Variants in DNM3 observed in about 807,000 individuals in gnomAD.
The protein encoded by DNM3 is dynamin-3.
DNM3 carries 47 observed loss-of-function variants against 101.6 expected under a neutral mutation model. That is an observed-to-expected ratio of 0.46 (90% CI 0.37 to 0.59). The LOEUF (loss-of-function observed/expected upper bound fraction) is 0.59, where lower values mean the gene tolerates loss of function less well. Among genes scored for constraint, DNM3 ranks in the 20% least tolerant of loss-of-function variants. The pLI is 0.00. For missense variants in DNM3, 849 were observed against 1,085.7 expected, an observed-to-expected ratio of 0.78 and a Z score of 3.06; for synonymous variants, 385 against 387.9, an observed-to-expected ratio of 0.99 and a Z score of 0.09.
At chr1:172,075,562 A>G (rs1390480077) in intron 11 of DNM3, among the ~76,000 whole-genome samples, 1 of 152,204 alleles carries the variant, frequency 6.6e-6, no homozygotes, top group Non-Finnish European at 1.5e-5. Flanking sequence ...CCATTTATTA[A>G]ATAGGGAATC....
intron 15 of DNM3, among the ~76,000 whole-genome samples, chr1:172,288,397 C>G (rs1014184951): frequency 1.3e-5 from 2 of 152,124 alleles, no homozygotes; most frequent in African/African-American, 4.8e-5. Flanking sequence ...ATAGCTGGAG[C>G]CTGATGGGCA....
chr1:172,290,472 G>C (rs1362950188), intron 15 of DNM3, among the ~76,000 whole-genome samples: 1 of 152,166 alleles, frequency 6.6e-6, no homozygotes, highest in Non-Finnish European at 1.5e-5. Flanking sequence ...AATGTGGCTG[G>C]AGCAGAATGA....
At chr1:172,107,483 G>A (rs1207273470) in intron 13 of DNM3, among the ~76,000 whole-genome samples, 1 of 152,158 alleles carries the variant, frequency 6.6e-6, no homozygotes, top group Non-Finnish European at 1.5e-5. Context: ...GCACAGGGAT[G>A]TCAATTTCTT....
chr1:172,410,480 G>C lies in DNM3; in HGVS notation c.*2639G>C. The C allele has an allele frequency of 1.0e-6, 1 of 983,862 alleles. No individual in the cohort carries two copies. The highest frequency in any genetic ancestry group is 1.2e-6 in the Non-Finnish European group (1 of 828,580). 60.9% of individuals were successfully genotyped at this position (983,862 alleles called of 1,614,324 possible). A position where few individuals can be genotyped will look rare whatever the true frequency, so the allele number is the denominator to read the frequency against. ...GGATTTGGGAAAATAAACTGTAAAT[G>C]TTTATTTGATAGGTAAATATAGTTT... On this transcript the variant is annotated 3_prime_UTR_variant, in exon 21 of 21. Coordinates refer to ENST00000627582, the MANE Select transcript of DNM3 (RefSeq NM_015569.5).
intron 6 of DNM3, among the ~76,000 whole-genome samples, chr1:172,033,478 T>C (rs995036634): frequency 6.6e-6 from 1 of 152,142 alleles, no homozygotes; most frequent in African/African-American, 2.4e-5. Flanking sequence ...GCAAGAACAA[T>C]TATCAAAGCA....
chr1:172,336,302 G>T (rs1470768011), intron 17 of DNM3, among the ~76,000 whole-genome samples: 1 of 152,122 alleles, frequency 6.6e-6, no homozygotes, highest in African/African-American at 2.4e-5. Context: ...TAAACCCAGG[G>T]TTAAGTCTAG....
chr1:172,276,927 C>A lies in DNM3; in HGVS notation c.1769+23245C>A, dbSNP rs192005393. Among the ~76,000 whole-genome samples, 36 of 151,884 alleles carry A rather than the reference C, an allele frequency of 2.4e-4. 1 individual carries two copies. The East Asian group carries it at 6.4e-3, about 27-fold the overall frequency. On this transcript the variant is annotated intron_variant, in intron 15 of 20. Transcript: ENST00000627582. Reference sequence around the variant, plus strand: ...AGTACATATTTAAGCTTTCAAATAGCCATTGACAAAAATCTGAATCATGGT... The same window carrying A: ...AGTACATATTTAAGCTTTCAAATAGACATTGACAAAAATCTGAATCATGGT...
downstream of DNM3, among the ~76,000 whole-genome samples, chr1:172,413,723 G>A (rs2071330774): frequency 6.6e-6 from 1 of 152,226 alleles, no homozygotes; most frequent in Non-Finnish European, 1.5e-5. Context: ...GGAGAGAGAT[G>A]TTGATTTATT....
intron 11 of DNM3, among the ~76,000 whole-genome samples, chr1:172,074,430 A>G (rs182098037): frequency 3.3e-5 from 5 of 152,190 alleles, no homozygotes; most frequent in African/African-American, 7.2e-5. Context: ...CCTGTTGTCT[A>G]TATTAGGTAT....
intron 17 of DNM3, among the ~76,000 whole-genome samples, chr1:172,338,206 C>T (rs932421426): frequency 6.6e-6 from 1 of 152,144 alleles, no homozygotes; most frequent in Non-Finnish European, 1.5e-5. Flanking sequence ...TGAGCCACTG[C>T]ACCCCGCCTG....
intron 4 of DNM3, among the ~76,000 whole-genome samples, chr1:172,016,655 G>A (rs764543754): frequency 3.0e-4 from 46 of 152,276 alleles, no homozygotes; most frequent in Middle Eastern, 3.4e-3. Flanking sequence ...TTCTGGGAGA[G>A]ATTGTGGAAA....
chr1:172,046,177 T>C (rs1159570277), intron 9 of DNM3, among the ~76,000 whole-genome samples: 1 of 152,062 alleles, frequency 6.6e-6, no homozygotes, highest in Admixed American at 6.5e-5. Flanking sequence ...AATGATAGAC[T>C]GGATTAAGAA....
chr1:172,153,931 A>C (rs1342458227), intron 14 of DNM3, among the ~76,000 whole-genome samples: 1 of 152,118 alleles, frequency 6.6e-6, no homozygotes, highest in African/African-American at 2.4e-5. Flanking sequence ...ATTTAAAAGC[A>C]GTTTTCTAAG....
intron 15 of DNM3, among the ~76,000 whole-genome samples, chr1:172,304,489 A>G (rs1322550015): frequency 1.3e-5 from 2 of 152,194 alleles, no homozygotes; most frequent in Admixed American, 1.3e-4. Flanking sequence ...CAGAAGGTTA[A>G]CAAGGATATC....
chr1:172,310,059 C>T (rs1001521317), intron 16 of DNM3: 6 of 152,172 alleles, frequency 3.9e-5, no homozygotes, highest in South Asian at 2.1e-4. Flanking sequence ...TACAGAAGCA[C>T]GCATATATGA....
Position 171,971,527 on chromosome 1 carries a change from T to C in DNM3, c.236-16129T>C, listed in dbSNP as rs527549484. Among the ~76,000 whole-genome samples the C allele has an allele frequency of 5.3e-5, 8 of 152,272 alleles. No homozygotes were observed. The South Asian group carries it at 1.7e-3, about 32-fold the overall frequency. ...AATATAGCTTAACACTTTGTTTCCCTATAGTAGTAGTTCTTTAATTCTTTA... is the reference window on the plus strand; with the variant it reads ...AATATAGCTTAACACTTTGTTTCCCCATAGTAGTAGTTCTTTAATTCTTTA... On this transcript the variant is annotated intron_variant, in intron 2 of 20. Transcript: ENST00000627582.
At chr1:172,136,090 G>A (rs887667328) in intron 14 of DNM3, among the ~76,000 whole-genome samples, 3 of 152,058 alleles carry the variant, frequency 2.0e-5, no homozygotes, top group Non-Finnish European at 4.4e-5. Context: ...TTATACTATT[G>A]AGGAAAACCC....
At chr1:172,172,155 A>C (rs553913021) in intron 14 of DNM3, among the ~76,000 whole-genome samples, 2 of 151,640 alleles carry the variant, frequency 1.3e-5, no homozygotes, top group Non-Finnish European at 3.0e-5. Context: ...TCTTCTCAGT[A>C]AGTAGTTAAC....
intron 6 of DNM3, among the ~76,000 whole-genome samples, chr1:172,035,086 G>C (rs10218612): frequency 6.6e-6 from 1 of 151,852 alleles, no homozygotes; most frequent in African/African-American, 2.4e-5. Context: ...AGTAAAAAAA[G>C]GGGCGGGTTT....
Sources: allele counts gnomAD v4.1 joint callset (sites outside exome capture counted in the v4.1 genomes callset), GRCh38; gene constraint gnomAD v4.1.1; transcripts MANE v1.5; gene names NCBI Gene and HGNC (gene_info 2026-07-23, HGNC 2026-07-21).